DPP10: variants seen among roughly 807,000 people sequenced by gnomAD.
The protein encoded by DPP10 is inactive dipeptidyl peptidase 10.
A neutral mutation model predicts 120.9 loss-of-function variants in DPP10; 33 were observed. The ratio of observed to expected loss-of-function variants is 0.27; its 90% CI spans 0.21 to 0.37. DPP10 has a LOEUF of 0.37. Ranked by LOEUF, DPP10 falls within the 10% of genes least tolerant of loss-of-function variation. The pLI is 1.00. For missense variants in DPP10, 816 were observed against 942.8 expected, an observed-to-expected ratio of 0.87 and a Z score of 1.76; for synonymous variants, 337 against 326.1, an observed-to-expected ratio of 1.03 and a Z score of -0.36.
chr2:114,449,495 C>T (rs1350608983), intron 1 of DPP10, among the ~76,000 whole-genome samples: 2 of 149,588 alleles, frequency 1.3e-5, no homozygotes, highest in Non-Finnish European at 3.0e-5. Context: ...ATAGTTACCA[C>T]TGGGAAGAAA....
intron 1 of DPP10, among the ~76,000 whole-genome samples, chr2:114,680,467 T>A (rs899462030): frequency 6.6e-6 from 1 of 152,022 alleles, no homozygotes; most frequent in Non-Finnish European, 1.5e-5. Flanking sequence ...GTCTTAGAAG[T>A]GTAATTTATT....
intron 1 of DPP10, among the ~76,000 whole-genome samples, chr2:114,649,016 A>G (rs1194478796): frequency 1.3e-5 from 2 of 152,252 alleles, no homozygotes; most frequent in African/African-American, 4.8e-5. Flanking sequence ...CATTAGTGCT[A>G]TAAAGCCACT....
At chr2:114,474,269 G>T (rs1680189817) in intron 1 of DPP10, among the ~76,000 whole-genome samples, 1 of 152,124 alleles carries the variant, frequency 6.6e-6, no homozygotes. Flanking sequence ...TTTGCTATTT[G>T]ATAATTATTT....
chr2:114,583,284 C>A (rs1302165377), intron 1 of DPP10, among the ~76,000 whole-genome samples: 1 of 150,980 alleles, frequency 6.6e-6, no homozygotes, highest in Non-Finnish European at 1.5e-5. Context: ...AACAGACTGA[C>A]AGAAATTGGT....
At chr2:114,487,900 C>T (rs967058325) in intron 1 of DPP10, among the ~76,000 whole-genome samples, 2 of 151,962 alleles carry the variant, frequency 1.3e-5, no homozygotes, top group South Asian at 2.1e-4. Context: ...AAGATAAGCA[C>T]GTTAAAGGGA....
intron 1 of DPP10, among the ~76,000 whole-genome samples, chr2:115,043,815 T>G (rs973780059): frequency 9.2e-5 from 14 of 152,218 alleles, no homozygotes; most frequent in African/African-American, 3.4e-4. Context: ...CTTTACTATT[T>G]ATACAAGGCA....
chr2:115,254,918 G>A (rs540521031), intron 1 of DPP10, among the ~76,000 whole-genome samples: 9 of 152,234 alleles, frequency 5.9e-5, no homozygotes, highest in South Asian at 4.1e-4. Flanking sequence ...ATGGGCTGGC[G>A]TTGTCTGTGG....
At position 114,778,930 on chromosome 2, in the gene DPP10, A is replaced by G. The variant is rs544615186; in HGVS notation, c.60+336092A>G. On this transcript the variant is annotated intron_variant, in intron 1 of 25. Transcript: ENST00000410059. ...CACAATCCCATGTTAGTTATAAAAA[A>G]TAATGTATAATCTATTCTCCCCTTT... 6.6e-5 allele frequency among the ~76,000 whole-genome samples: 10 copies of G among 152,258 alleles called. No homozygotes were observed. In the South Asian group the frequency reaches 1.9e-3, roughly 28 times the overall value.
At chr2:115,754,514 A>G (rs1428650256) in intron 11 of DPP10, among the ~76,000 whole-genome samples, 1 of 152,162 alleles carries the variant, frequency 6.6e-6, no homozygotes, top group Non-Finnish European at 1.5e-5. Context: ...AAGAAAGCAC[A>G]TTAGAAGTAG....
chr2:114,686,252 T>G (rs1385129245), intron 1 of DPP10, among the ~76,000 whole-genome samples: 2 of 151,932 alleles, frequency 1.3e-5, no homozygotes, highest in Non-Finnish European at 2.9e-5. Flanking sequence ...AGTATCAATT[T>G]TTGTATCTGT....
intron 1 of DPP10, among the ~76,000 whole-genome samples, chr2:114,791,261 C>T (rs1683221525): frequency 6.6e-6 from 1 of 152,126 alleles, no homozygotes; most frequent in South Asian, 2.1e-4. Context: ...CTCAATATTG[C>T]CATGTTTTGT....
chr2:114,897,622 A>G (rs991391643), intron 1 of DPP10, among the ~76,000 whole-genome samples: 1 of 151,848 alleles, frequency 6.6e-6, no homozygotes, highest in African/African-American at 2.4e-5. Context: ...AATATCCAGA[A>G]TCTACAATGA....
chr2:114,936,778 G>A (rs1044460136), intron 1 of DPP10, among the ~76,000 whole-genome samples: 3 of 151,920 alleles, frequency 2.0e-5, no homozygotes, highest in Admixed American at 1.3e-4. Context: ...TTTGATTATG[G>A]CCATTCTTGT....
intron 1 of DPP10, among the ~76,000 whole-genome samples, chr2:114,451,373 T>G (rs1446470406): frequency 6.6e-6 from 1 of 152,106 alleles, no homozygotes; most frequent in Non-Finnish European, 1.5e-5. Context: ...AGCTTTTGTT[T>G]TTGAAGAGCA....
At chr2:114,763,117 G>A (rs1302877830) in intron 1 of DPP10, among the ~76,000 whole-genome samples, 4 of 152,174 alleles carry the variant, frequency 2.6e-5, no homozygotes, top group Non-Finnish European at 4.4e-5. Flanking sequence ...CTAGGAGGAC[G>A]TGGTGTGTTC....
At chr2:115,718,801 C>T (rs1020801409) in intron 7 of DPP10, among the ~76,000 whole-genome samples, 3 of 150,802 alleles carry the variant, frequency 2.0e-5, no homozygotes, top group Non-Finnish European at 2.9e-5. Context: ...ATAATGGGCT[C>T]GAAGAAGGAA....
chr2:115,580,589 C>G (rs1322160460), intron 5 of DPP10, among the ~76,000 whole-genome samples: 1 of 152,120 alleles, frequency 6.6e-6, no homozygotes, highest in Admixed American at 6.6e-5. Flanking sequence ...TATGAACATT[C>G]CAGGCACATT....
intron 1 of DPP10, among the ~76,000 whole-genome samples, chr2:114,842,882 A>C (rs1222495604): frequency 1.3e-5 from 2 of 152,094 alleles, no homozygotes; most frequent in South Asian, 4.2e-4. Flanking sequence ...TGAAAACCTG[A>C]GGTACACAGC....
chr2:114,724,403 G>C (rs998087271), intron 1 of DPP10, among the ~76,000 whole-genome samples: 3 of 152,184 alleles, frequency 2.0e-5, no homozygotes, highest in African/African-American at 7.2e-5. Flanking sequence ...AGCTTTATTG[G>C]CAATATCAGT....
Sources: gnomAD v4.1 joint callset for allele counts (sites outside exome capture counted in the v4.1 genomes callset) on GRCh38, gnomAD v4.1.1 for gene constraint, MANE v1.5 for transcripts, NCBI Gene and HGNC (gene_info 2026-07-23, HGNC 2026-07-21) for gene names.